NRXN1: variants seen among roughly 807,000 people sequenced by gnomAD.
NRXN1 encodes neurexin-1.
A neutral mutation model predicts 150.9 loss-of-function variants in NRXN1; 39 were observed. The observed-to-expected ratio is 0.26, with a 90% confidence interval of 0.20 to 0.34. The LOEUF is 0.34. Ranked by LOEUF, NRXN1 falls within the 10% of genes least tolerant of loss-of-function variation. The probability of loss-of-function intolerance (pLI) is 1.00; values close to 1 mark genes in which losing one functional copy is unlikely to be tolerated. For synonymous variants in NRXN1, 924 were observed against 757.0 expected, an observed-to-expected ratio of 1.22 and a Z score of -3.62; for missense variants, 1,815 against 1,949.9, an observed-to-expected ratio of 0.93 and a Z score of 1.30.
intron 21 of NRXN1, among the ~76,000 whole-genome samples, chr2:50,013,560 G>A (rs957332204): frequency 6.6e-6 from 1 of 152,070 alleles, no homozygotes; most frequent in Non-Finnish European, 1.5e-5. Context: ...CCATGGTTTG[G>A]TTAAAAGCTT....
chr2:50,854,132 T>C (rs1353275465), intron 5 of NRXN1, among the ~76,000 whole-genome samples: 10 of 152,074 alleles, frequency 6.6e-5, no homozygotes, highest in African/African-American at 2.4e-4. Flanking sequence ...ATGGCAGATA[T>C]AGCAATAGAT....
At chr2:50,112,735 T>G (rs979419189) in intron 18 of NRXN1, among the ~76,000 whole-genome samples, 21 of 152,062 alleles carry the variant, frequency 1.4e-4, no homozygotes, top group Non-Finnish European at 2.6e-4. Flanking sequence ...TTTACTAAAA[T>G]GCAGCATAAA....
intron 22 of NRXN1, among the ~76,000 whole-genome samples, chr2:49,936,294 C>T (rs1273764814): frequency 6.6e-6 from 1 of 152,180 alleles, no homozygotes; most frequent in African/African-American, 2.4e-5. Flanking sequence ...AGAGACTGTG[C>T]TGATTTTTTA....
At chr2:50,973,381 T>C (rs1408626005) in intron 2 of NRXN1, among the ~76,000 whole-genome samples, 3 of 152,144 alleles carry the variant, frequency 2.0e-5, no homozygotes, top group Non-Finnish European at 4.4e-5. Flanking sequence ...CAAGGGCTAA[T>C]GATTTTCTAA....
chr2:50,591,869 G>C (rs1447245468), intron 8 of NRXN1, among the ~76,000 whole-genome samples: 4 of 152,180 alleles, frequency 2.6e-5, no homozygotes, highest in Non-Finnish European at 5.9e-5. Context: ...TGGCTATTAA[G>C]CTACATTCCC....
chr2:50,801,518 G>A (rs1256072632), intron 5 of NRXN1, among the ~76,000 whole-genome samples: 2 of 152,032 alleles, frequency 1.3e-5, no homozygotes, highest in Admixed American at 6.6e-5. Flanking sequence ...GACTAAATGC[G>A]AGGACTAAAG....
At chr2:50,408,011 C>A (rs1418368701) in intron 17 of NRXN1, among the ~76,000 whole-genome samples, 1 of 152,130 alleles carries the variant, frequency 6.6e-6, no homozygotes, top group East Asian at 1.9e-4. Context: ...TAAATAATGA[C>A]AATGCACTCA....
chr2:50,428,082 G>C (rs1473969168), intron 17 of NRXN1, among the ~76,000 whole-genome samples: 3 of 152,070 alleles, frequency 2.0e-5, no homozygotes, highest in Non-Finnish European at 2.9e-5. Flanking sequence ...AAATTCTTTA[G>C]GGGGATTGTC....
chr2:50,937,743 A>G (rs1422015469), intron 2 of NRXN1, among the ~76,000 whole-genome samples: 1 of 152,128 alleles, frequency 6.6e-6, no homozygotes, highest in East Asian at 1.9e-4. Flanking sequence ...TCATTCAATT[A>G]TTATAAAGAC....
intron 17 of NRXN1, among the ~76,000 whole-genome samples, chr2:50,431,717 A>C (rs544995980): frequency 7.9e-5 from 12 of 152,330 alleles, no homozygotes; most frequent in Non-Finnish European, 5.9e-5. Context: ...TTCACACTAC[A>C]ATCACAGAGT....
At chr2:50,863,100 G>A (rs1676374694) in intron 5 of NRXN1, among the ~76,000 whole-genome samples, 1 of 151,950 alleles carries the variant, frequency 6.6e-6, no homozygotes, top group African/African-American at 2.4e-5. Context: ...GATTTTTGGT[G>A]TCACTGACTA....
chr2:50,125,889 C>T (rs115169651), intron 18 of NRXN1, among the ~76,000 whole-genome samples: 287 of 152,188 alleles, frequency 1.9e-3, no homozygotes, highest in African/African-American at 6.7e-3. Context: ...TTTTGCTGCA[C>T]TTTCCTGTGG....
rs867248165 is a variant in NRXN1, at chr2:50,655,671, G to C, written c.833-32056C>G. 5.3e-5 allele frequency among the ~76,000 whole-genome samples: 8 copies of C among 151,272 alleles called. No homozygotes were observed. In the South Asian group the frequency reaches 8.3e-4, roughly 16 times the overall value. On this transcript the variant is annotated intron_variant, in intron 5 of 22. Coordinates refer to ENST00000401669, the MANE Select transcript of NRXN1 (RefSeq NM_001330078.2). The stretch of plus-strand genomic sequence containing the variant: ...TTGTTGTTTTTATTTTTCTTTTGGG[G>C]GGGGAGGGAAGAAAGAGGACAGAAG...
At chr2:49,938,894 G>A (rs1030639587) in intron 22 of NRXN1, among the ~76,000 whole-genome samples, 3 of 152,100 alleles carry the variant, frequency 2.0e-5, no homozygotes, top group South Asian at 2.1e-4. Context: ...ATTTGGAAGA[G>A]GGCCCCCAAA....
intron 5 of NRXN1, among the ~76,000 whole-genome samples, chr2:50,910,521 G>C (rs1441953851): frequency 6.6e-6 from 1 of 151,838 alleles, no homozygotes; most frequent in Non-Finnish European, 1.5e-5. Flanking sequence ...CAGTCTCCAT[G>C]ATCCTTGGCT....
intron 5 of NRXN1, among the ~76,000 whole-genome samples, chr2:50,801,555 T>C (rs1707598075): frequency 6.6e-6 from 1 of 152,106 alleles, no homozygotes; most frequent in South Asian, 2.1e-4. Context: ...ATTATACCTA[T>C]GACACAAGCT....
chr2:50,295,293 C>A (rs1225303967), intron 17 of NRXN1, among the ~76,000 whole-genome samples: 1 of 152,028 alleles, frequency 6.6e-6, no homozygotes, highest in Non-Finnish European at 1.5e-5. Context: ...TATAAGGAAC[C>A]AAGAGAGTTT....
intron 18 of NRXN1, among the ~76,000 whole-genome samples, chr2:50,125,298 T>C (rs575911498): frequency 2.0e-5 from 3 of 152,278 alleles, no homozygotes; most frequent in Admixed American, 6.5e-5. Context: ...ATTGGCACAT[T>C]TGAATACAAT....
chr2:50,125,390 T>A (rs1311180064), intron 18 of NRXN1, among the ~76,000 whole-genome samples: 3 of 152,128 alleles, frequency 2.0e-5, no homozygotes, highest in Non-Finnish European at 4.4e-5. Context: ...TCCAGAGTTT[T>A]CCCTCTTATG....
Sources: gnomAD v4.1 joint callset for allele counts (sites outside exome capture counted in the v4.1 genomes callset) on GRCh38, gnomAD v4.1.1 for gene constraint, MANE v1.5 for transcripts, NCBI Gene and HGNC (gene_info 2026-07-23, HGNC 2026-07-21) for gene names.